The following BRINP3 variants were observed in gnomAD, a reference collection of about 807,000 sequenced individuals.
The protein encoded by BRINP3 is BMP/retinoic acid-inducible neural-specific protein 3.
A neutral mutation model predicts 71.0 loss-of-function variants in BRINP3; 19 were observed. That is an observed-to-expected ratio of 0.27 (90% CI 0.19 to 0.39). BRINP3 has a LOEUF of 0.39. Ranked by LOEUF, BRINP3 falls within the 10% of genes least tolerant of loss-of-function variation. The probability of loss-of-function intolerance (pLI) is 1.00; values close to 1 mark genes in which losing one functional copy is unlikely to be tolerated. For synonymous variants in BRINP3, 380 were observed against 337.7 expected (o/e 1.13, Z -1.37); for missense variants, 959 against 940.8 (o/e 1.02, Z -0.25).
chr1:190,402,172 C>T (rs1185314), intron 2 of BRINP3, among the ~76,000 whole-genome samples: 55,437 of 151,850 alleles, frequency 0.37, 11,072 homozygotes, highest in Admixed American at 0.48. Context: ...TAGATGTAGG[C>T]GTGTATAACA....
chr1:190,475,831 T>A (rs1278080440), intron 1 of BRINP3: 1 of 149,452 alleles, frequency 6.7e-6, no homozygotes, highest in Non-Finnish European at 1.5e-5. Context: ...TGAAAGTTTT[T>A]TTTTTCTTTT....
chr1:190,143,368 C>A (rs977961357), intron 7 of BRINP3, among the ~76,000 whole-genome samples: 1 of 152,172 alleles, frequency 6.6e-6, no homozygotes, highest in African/African-American at 2.4e-5. Context: ...TTCTCCCCAG[C>A]TTCTGAATGC....
intron 2 of BRINP3, among the ~76,000 whole-genome samples, chr1:190,391,668 C>CT (rs1422070701): frequency 2.5e-4 from 38 of 151,770 alleles, no homozygotes; most frequent in Non-Finnish European, 4.0e-4. Context: ...TTTTCAGTCA[C>CT]TTTTTCTCCA....
intron 2 of BRINP3, among the ~76,000 whole-genome samples, chr1:190,428,846 CAAT>C (rs749622863): frequency 9.2e-5 from 14 of 151,870 alleles, no homozygotes; most frequent in Non-Finnish European, 1.6e-4. Context: ...AAACTTATTG[CAAT>C]AATATTTTCC....
At chr1:190,420,050 A>C (rs1673271152) in intron 2 of BRINP3, among the ~76,000 whole-genome samples, 4 of 152,002 alleles carry the variant, frequency 2.6e-5, no homozygotes, top group Non-Finnish European at 1.5e-5. Context: ...ATGAAACTTA[A>C]ATAAGATTAA....
chr1:190,313,435 A>G (rs557443208), intron 2 of BRINP3, among the ~76,000 whole-genome samples: 7 of 152,108 alleles, frequency 4.6e-5, no homozygotes, highest in Admixed American at 3.3e-4. Context: ...AAAATGGTAA[A>G]AGCATTAGCA....
At chr1:190,429,593 CTTTT>C (rs66510191) in intron 2 of BRINP3, among the ~76,000 whole-genome samples, 1 of 138,998 alleles carries the variant, frequency 7.2e-6, no homozygotes, top group African/African-American at 2.6e-5. Flanking sequence ...TTCTTTCTTC[CTTTT>C]TTTTTTTTTT....
intron 2 of BRINP3, among the ~76,000 whole-genome samples, chr1:190,407,389 A>C (rs1257790628): frequency 1.3e-5 from 2 of 152,170 alleles, no homozygotes; most frequent in Non-Finnish European, 2.9e-5. Flanking sequence ...ATGCCATTCC[A>C]GTTTACCACC....
chr1:190,274,203 T>C (rs1230679232), intron 3 of BRINP3, among the ~76,000 whole-genome samples: 1 of 151,556 alleles, frequency 6.6e-6, no homozygotes, highest in African/African-American at 2.4e-5. Flanking sequence ...ACATATAATA[T>C]TGGTCAGAAG....
chr1:190,164,841 G>A (rs1459038128), intron 6 of BRINP3, among the ~76,000 whole-genome samples: 1 of 151,650 alleles, frequency 6.6e-6, no homozygotes, highest in African/African-American at 2.4e-5. Flanking sequence ...CCAAAACGCT[G>A]GAGTTTCAGG....
chr1:190,418,671 A>T (rs1312602447), intron 2 of BRINP3, among the ~76,000 whole-genome samples: 1 of 152,132 alleles, frequency 6.6e-6, no homozygotes, highest in Non-Finnish European at 1.5e-5. Context: ...AATCTGCAAA[A>T]CAGAAAAACA....
chr1:190,363,428 G>T (rs768997733), intron 2 of BRINP3, among the ~76,000 whole-genome samples: 17 of 152,158 alleles, frequency 1.1e-4, no homozygotes, highest in Non-Finnish European at 1.8e-4. Context: ...GACGACAATA[G>T]AAACTGAATA....
intron 6 of BRINP3, among the ~76,000 whole-genome samples, chr1:190,186,696 G>GTTAA (rs1245321276): frequency 1.3e-5 from 2 of 151,818 alleles, no homozygotes; most frequent in African/African-American, 4.8e-5. Flanking sequence ...AAATAAAATG[G>GTTAA]TTAATTAAAC....
intron 2 of BRINP3, among the ~76,000 whole-genome samples, chr1:190,286,141 A>T (rs1571633442): frequency 1.3e-5 from 2 of 152,280 alleles, no homozygotes; most frequent in Non-Finnish European, 2.9e-5. Flanking sequence ...TTTGGGGATC[A>T]TACTCTAAGG....
At chr1:190,171,763 C>G (rs1400333641) in intron 6 of BRINP3, among the ~76,000 whole-genome samples, 2 of 152,078 alleles carry the variant, frequency 1.3e-5, no homozygotes, top group African/African-American at 4.8e-5. Context: ...AATGGGAAAC[C>G]TGTCAGTTAT....
intron 6 of BRINP3, among the ~76,000 whole-genome samples, chr1:190,222,012 A>C (rs1396349327): frequency 1.3e-5 from 2 of 152,060 alleles, no homozygotes; most frequent in African/African-American, 4.8e-5. Flanking sequence ...CATATCATCC[A>C]GACAGAAAAT....
chr1:190,308,218 T>C (rs1263562414), intron 2 of BRINP3, among the ~76,000 whole-genome samples: 1 of 150,186 alleles, frequency 6.7e-6, no homozygotes, highest in African/African-American at 2.5e-5. Context: ...TTTTCAATTA[T>C]ATTTAACGGC....
chr1:190,331,255 A>G (rs953011009), intron 2 of BRINP3, among the ~76,000 whole-genome samples: 5 of 152,050 alleles, frequency 3.3e-5, no homozygotes, highest in Non-Finnish European at 7.4e-5. Context: ...ATGTAAGTAT[A>G]TAACATCAGA....
chr1:190,218,292 T>C (rs940048157), intron 6 of BRINP3, among the ~76,000 whole-genome samples: 2 of 152,068 alleles, frequency 1.3e-5, no homozygotes, highest in African/African-American at 4.8e-5. Context: ...AATGGAATCA[T>C]ATATGTATTT....
Sources: gnomAD v4.1 joint callset for allele counts (sites outside exome capture counted in the v4.1 genomes callset) on GRCh38, gnomAD v4.1.1 for gene constraint, MANE v1.5 for transcripts, NCBI Gene and HGNC (gene_info 2026-07-23, HGNC 2026-07-21) for gene names.